NRXN3: variants seen among roughly 807,000 people sequenced by gnomAD.
The protein encoded by NRXN3 is neurexin III.
NRXN3 carries 32 observed loss-of-function variants against 137.6 expected under a neutral mutation model. That is an observed-to-expected ratio of 0.23 (90% CI 0.18 to 0.31). The LOEUF is 0.31. Among genes scored for constraint, NRXN3 ranks in the 10% least tolerant of loss-of-function variants. The pLI, the probability that NRXN3 is intolerant of heterozygous loss-of-function variation, is 1.00. For missense variants in NRXN3, 1,574 were observed against 2,062.5 expected, an observed-to-expected ratio of 0.76 and a Z score of 4.59; for synonymous variants, 798 against 784.5, an observed-to-expected ratio of 1.02 and a Z score of -0.29.
intron 11 of NRXN3, among the ~76,000 whole-genome samples, chr14:78,961,070 A>G (rs2099407309): frequency 6.7e-6 from 1 of 149,260 alleles, no homozygotes; most frequent in Non-Finnish European, 1.5e-5. Flanking sequence ...TTTATACCAC[A>G]TACTTACACA....
chr14:79,062,232 C>G (rs2099675099), intron 15 of NRXN3, among the ~76,000 whole-genome samples: 1 of 152,130 alleles, frequency 6.6e-6, no homozygotes, highest in South Asian at 2.1e-4. Context: ...CTGGTTCCTA[C>G]GGGACCCAGG....
chr14:78,280,117 A>G (rs1457860308), intron 3 of NRXN3, among the ~76,000 whole-genome samples: 3 of 152,216 alleles, frequency 2.0e-5, no homozygotes, highest in Non-Finnish European at 2.9e-5. Context: ...ACAAATATTT[A>G]TGTTCCAGGA....
At chr14:79,649,249 G>T (rs2098464680) in intron 16 of NRXN3, among the ~76,000 whole-genome samples, 1 of 152,040 alleles carries the variant, frequency 6.6e-6, no homozygotes, top group Admixed American at 6.6e-5. Context: ...GCATTGCTTG[G>T]ATGATGTCTT....
At chr14:78,522,648 T>C (rs574506624) in intron 4 of NRXN3, among the ~76,000 whole-genome samples, 16 of 152,170 alleles carry the variant, frequency 1.1e-4, no homozygotes, top group East Asian at 1.9e-4. Context: ...CAAAACTCAT[T>C]TGTAGTCGGG....
Position 78,780,649 on chromosome 14 carries a change from A to C in NRXN3, c.2045-22971A>C, listed in dbSNP as rs113963944. ...GAAAAATGAGCAAAGGATATGAATA[A>C]GCAAATGACAGATGCCAAAACCAAA... On this transcript the variant is annotated intron_variant, in intron 8 of 20. Transcript: ENST00000335750. Among the ~76,000 whole-genome samples the C allele has an allele frequency of 1.2e-3, 176 of 152,350 alleles. 1 individual carries two copies. The highest frequency in any genetic ancestry group is 4.0e-3 in the African/African-American group (168 of 41,586).
chr14:79,656,669 A>G (rs1464856346), intron 16 of NRXN3, among the ~76,000 whole-genome samples: 1 of 127,482 alleles, frequency 7.8e-6, no homozygotes, highest in Non-Finnish European at 1.6e-5. Context: ...CGAGCTATTT[A>G]TCAGTCTTAT....
intron 17 of NRXN3, among the ~76,000 whole-genome samples, chr14:79,664,975 A>G (rs547856694): frequency 6.6e-6 from 1 of 152,276 alleles, no homozygotes; most frequent in Non-Finnish European, 1.5e-5. Context: ...ACAATAACAA[A>G]GAAGCTTGAA....
chr14:78,701,967 T>G (rs866621009), intron 6 of NRXN3, among the ~76,000 whole-genome samples: 188 of 152,336 alleles, frequency 1.2e-3, no homozygotes, highest in African/African-American at 4.3e-3. Context: ...AGCCCCAGGT[T>G]GGATGTCAGC....
At chr14:79,032,370 C>G (rs79929494) in intron 15 of NRXN3, among the ~76,000 whole-genome samples, 1,581 of 152,228 alleles carry the variant, frequency 0.01, 19 homozygotes, top group African/African-American at 0.036. Flanking sequence ...AAGGCAAGAT[C>G]TTCTCCTTTA....
intron 2 of NRXN3, among the ~76,000 whole-genome samples, chr14:78,271,247 G>C (rs767769011): frequency 2.0e-5 from 3 of 152,076 alleles, no homozygotes; most frequent in Non-Finnish European, 2.9e-5. Flanking sequence ...TCATCTTTCC[G>C]GTTAAGCTCT....
At chr14:78,507,113 G>T (rs560988081) in intron 4 of NRXN3, among the ~76,000 whole-genome samples, 1 of 152,200 alleles carries the variant, frequency 6.6e-6, no homozygotes, top group East Asian at 1.9e-4. Context: ...AGCTACATGT[G>T]GGTGACGCTA....
intron 4 of NRXN3, among the ~76,000 whole-genome samples, chr14:78,537,404 G>A (rs991511145): frequency 4.6e-5 from 7 of 152,214 alleles, no homozygotes; most frequent in African/African-American, 9.6e-5. Context: ...CTGCATAGAT[G>A]TCTTCTTTTG....
intron 10 of NRXN3, among the ~76,000 whole-genome samples, chr14:78,816,646 T>A (rs2098934280): frequency 6.6e-6 from 1 of 152,182 alleles, no homozygotes; most frequent in Non-Finnish European, 1.5e-5. Flanking sequence ...CATACATGTA[T>A]AAGAAGATCT....
intron 10 of NRXN3, among the ~76,000 whole-genome samples, chr14:78,923,865 T>C (rs2099277793): frequency 6.6e-6 from 1 of 152,220 alleles, no homozygotes. Context: ...AACCTGCTCT[T>C]TTTGACTTTT....
chr14:78,931,571 T>C (rs1313236382), intron 10 of NRXN3, among the ~76,000 whole-genome samples: 1 of 152,162 alleles, frequency 6.6e-6, no homozygotes, highest in Non-Finnish European at 1.5e-5. Context: ...AGTCCCATTT[T>C]ACAGATGAGG....
rs60094990 is a variant in NRXN3 at position 79,828,618 on chromosome 14, C to CA, written c.4093+23450dup. On this transcript the variant is annotated intron_variant, in intron 20 of 20. Transcript: ENST00000335750. ...TGGGCAACAGAGGAAGACTCCATCT[C>CA]AAAAAAAAAAAAAAAAAAAAAAGTA... 5.2e-4 allele frequency among the ~76,000 whole-genome samples: 35 copies of CA among 67,546 alleles called. No individual in the cohort carries two copies. The South Asian group carries it at 0.01, about 20-fold the overall frequency. The allele number at this position is 67,546 out of a possible 152,430, so 44.3% of individuals were successfully genotyped here. A position where few individuals can be genotyped will look rare whatever the true frequency, so the allele number is the denominator to read the frequency against.
chr14:78,533,163 G>A (rs1442243510), intron 4 of NRXN3, among the ~76,000 whole-genome samples: 1 of 147,634 alleles, frequency 6.8e-6, no homozygotes, highest in Non-Finnish European at 1.5e-5. Context: ...GCAGTGGTGC[G>A]ATCTTGGCTC....
Position 79,405,093 on chromosome 14 carries a change from C to G in NRXN3, c.3263-62128C>G, listed in dbSNP as rs1025800971. 2.6e-5 allele frequency among the ~76,000 whole-genome samples: 4 copies of G among 152,170 alleles called. No individual in the cohort carries two copies. The East Asian group carries it at 7.8e-4, about 30-fold the overall frequency. ...GGAGGTTGCCATGGCAACAAAAGGC[C>G]TGAAATATTAACTCTGACTAGCAAC... On this transcript the variant is annotated intron_variant, in intron 15 of 20. Coordinates refer to ENST00000335750, the MANE Select transcript of NRXN3 (RefSeq NM_001330195.2).
At chr14:79,231,193 A>G (rs1427738324) in intron 15 of NRXN3, among the ~76,000 whole-genome samples, 1 of 152,100 alleles carries the variant, frequency 6.6e-6, no homozygotes. Context: ...CAGTATTTTT[A>G]TTTTATTGGG....
Sources: gnomAD v4.1 joint callset for allele counts (sites outside exome capture counted in the v4.1 genomes callset) on GRCh38, gnomAD v4.1.1 for gene constraint, MANE v1.5 for transcripts, NCBI Gene and HGNC (gene_info 2026-07-23, HGNC 2026-07-21) for gene names.